Variants in SRGAP2 observed in about 807,000 individuals in gnomAD.
SRGAP2 encodes SLIT-ROBO Rho GTPase-activating protein 2.
In SRGAP2, 15 loss-of-function variants were observed where a neutral mutation model predicts 57.2. The ratio of observed to expected loss-of-function variants is 0.26; its 90% CI spans 0.18 to 0.40. SRGAP2 has a LOEUF of 0.40. Among genes scored for constraint, SRGAP2 ranks in the 10% least tolerant of loss-of-function variants. The probability of loss-of-function intolerance (pLI) is 1.00; values close to 1 mark genes in which losing one functional copy is unlikely to be tolerated. For synonymous variants in SRGAP2, 249 were observed against 248.0 expected, an observed-to-expected ratio of 1.00 and a Z score of -0.04; for missense variants, 520 against 669.6, an observed-to-expected ratio of 0.78 and a Z score of 2.47.
chr1:206,429,117 C>T (rs759258118), intron 13 of SRGAP2, among the ~76,000 whole-genome samples: 1 of 152,128 alleles, frequency 6.6e-6, no homozygotes, highest in African/African-American at 2.4e-5. Context: ...ACTCTCCTTG[C>T]CTCCAGTCCC....
chr1:206,286,265 C>T (rs1439488246), intron 2 of SRGAP2, among the ~76,000 whole-genome samples: 1 of 151,442 alleles, frequency 6.6e-6, no homozygotes, highest in Non-Finnish European at 1.5e-5. Flanking sequence ...AAACACTTGT[C>T]AAAATATAGC....
intron 15 of SRGAP2, 92 bp downstream of exon 15, chr1:206,437,134 T>A (rs1188824208): frequency 4.0e-6 from 3 of 759,094 alleles, no homozygotes; most frequent in Admixed American, 3.5e-5. Context: ...TCCCCAGAGG[T>A]CAGGAAGCCA....
intron 5 of SRGAP2, among the ~76,000 whole-genome samples, chr1:206,389,261 A>C: frequency 1.6e-5 from 2 of 124,454 alleles, no homozygotes; most frequent in Non-Finnish European, 1.6e-5. Flanking sequence ...TGCAAGCTCC[A>C]CCTCCCAGGT....
At chr1:206,306,676 A>C (rs1173208847) in intron 3 of SRGAP2, among the ~76,000 whole-genome samples, 2 of 152,194 alleles carry the variant, frequency 1.3e-5, no homozygotes, top group Non-Finnish European at 2.9e-5. Flanking sequence ...GTGCATTTAC[A>C]ATCTCTGAGA....
chr1:206,251,607 A>C (rs1281764624), intron 2 of SRGAP2, among the ~76,000 whole-genome samples: 1 of 151,486 alleles, frequency 6.6e-6, no homozygotes, highest in Non-Finnish European at 1.5e-5. Flanking sequence ...GATCTGCCTC[A>C]CTGTCACTCA....
chr1:206,278,229 AT>A, intron 2 of SRGAP2, among the ~76,000 whole-genome samples: 2 of 151,130 alleles, frequency 1.3e-5, no homozygotes, highest in Non-Finnish European at 1.5e-5. Flanking sequence ...AATAAACATG[AT>A]GAATATATAA....
chr1:206,334,625 G>T (rs1674636268), intron 3 of SRGAP2, among the ~76,000 whole-genome samples: 1 of 152,150 alleles, frequency 6.6e-6, no homozygotes, highest in Admixed American at 6.5e-5. Context: ...TCTGGCTGTA[G>T]ATCAAACTTC....
chr1:206,409,961 C>T (rs190857688), intron 10 of SRGAP2, among the ~76,000 whole-genome samples: 26 of 148,578 alleles, frequency 1.7e-4, no homozygotes, highest in East Asian at 1.4e-3. Context: ...ATTAGCTGGG[C>T]GTGGTGGCGC....
chr1:206,369,861 G>A (rs1654364116), intron 4 of SRGAP2, among the ~76,000 whole-genome samples: 1 of 151,924 alleles, frequency 6.6e-6, no homozygotes, highest in Non-Finnish European at 1.5e-5. Context: ...CAAAACTTAA[G>A]CATAGAATTA....
At chr1:206,445,016 A>T (rs1662634205) in intron 17 of SRGAP2, among the ~76,000 whole-genome samples, 1 of 152,240 alleles carries the variant, frequency 6.6e-6, no homozygotes, top group African/African-American at 2.4e-5. Context: ...TGAGGGGTAC[A>T]CTACAGAAAC....
chr1:206,259,475 C>T (rs1160676616), intron 2 of SRGAP2, among the ~76,000 whole-genome samples: 4 of 151,606 alleles, frequency 2.6e-5, no homozygotes, highest in Admixed American at 1.3e-4. Context: ...TAACTGGGAC[C>T]ACAGGTGCGT....
In SRGAP2 at chr1:206,462,954, CTCA is replaced by C. The variant is rs1405964894; in HGVS notation, c.*1537_*1539del. On this transcript the variant is annotated 3_prime_UTR_variant, in exon 23 of 23. Transcript: ENST00000573034. The stretch of plus-strand genomic sequence containing the variant: ...ACAGCAACTTGAGTTAAAGCTGAAA[CTCA>C]TCCTTCTTCTCTGTGTTTTCTGGTT... The C allele has an allele frequency of 1.3e-5, 2 of 152,240 alleles. No homozygotes were observed. The highest frequency in any genetic ancestry group is 4.8e-5 in the African/African-American group (2 of 41,450). 9.4% of individuals were successfully genotyped at this position (152,240 alleles called of 1,614,324 possible).
At chr1:206,358,280 A>C (rs1309443595) in intron 4 of SRGAP2, among the ~76,000 whole-genome samples, 1 of 148,198 alleles carries the variant, frequency 6.7e-6, no homozygotes, top group Non-Finnish European at 1.5e-5. Flanking sequence ...CTGGGAACAA[A>C]GTGCTCTGCA....
chr1:206,247,465 AT>A (rs1668565208), intron 2 of SRGAP2, among the ~76,000 whole-genome samples: 1 of 151,810 alleles, frequency 6.6e-6, no homozygotes, highest in Non-Finnish European at 1.5e-5. Flanking sequence ...GGGAGCCTCC[AT>A]ACTGTGGGGG....
intron 19 of SRGAP2, among the ~76,000 whole-genome samples, chr1:206,452,608 G>A (rs190290735): frequency 2.2e-4 from 33 of 152,294 alleles, no homozygotes; most frequent in Admixed American, 4.6e-4. Context: ...CAGGGGATGC[G>A]GTCGGGCGCG....
intron 22 of SRGAP2, among the ~76,000 whole-genome samples, chr1:206,459,682 A>G (rs1194902119): frequency 6.6e-6 from 1 of 152,222 alleles, no homozygotes; most frequent in Non-Finnish European, 1.5e-5. Flanking sequence ...TAGACCAGGT[A>G]GGAACTAAGG....
At chr1:206,418,338 C>T (rs1162854884) in intron 11 of SRGAP2, among the ~76,000 whole-genome samples, 1 of 152,196 alleles carries the variant, frequency 6.6e-6, no homozygotes, top group African/African-American at 2.4e-5. Context: ...TAGGGGATGG[C>T]GTTGCTCAAG....
intron 2 of SRGAP2, among the ~76,000 whole-genome samples, chr1:206,208,733 T>C (rs1211438514): frequency 2.6e-5 from 4 of 152,152 alleles, no homozygotes; most frequent in African/African-American, 9.6e-5. Flanking sequence ...TTGTGTGTTA[T>C]ATGGGACTCA....
intron 14 of SRGAP2, among the ~76,000 whole-genome samples, chr1:206,435,626 A>G (rs1034986910): frequency 3.3e-5 from 5 of 152,184 alleles, no homozygotes; most frequent in African/African-American, 1.2e-4. Context: ...TAGACTCCAG[A>G]AGCCTGGTGT....
Sources: gnomAD v4.1 joint callset for allele counts (sites outside exome capture counted in the v4.1 genomes callset) on GRCh38, gnomAD v4.1.1 for gene constraint, MANE v1.5 for transcripts, NCBI Gene and HGNC (gene_info 2026-07-23, HGNC 2026-07-21) for gene names.